The following NAALADL2 variants were observed in gnomAD, a reference collection of about 807,000 sequenced individuals.
NAALADL2 encodes the protein N-acetylated alpha-linked acidic dipeptidase like 2.
In NAALADL2, 76 loss-of-function variants were observed where a neutral mutation model predicts 87.2. The ratio of observed to expected loss-of-function variants is 0.87; its 90% CI spans 0.72 to 1.05. NAALADL2 has a LOEUF of 1.05. Among genes scored for constraint, NAALADL2 ranks in the 50% least tolerant of loss-of-function variants. NAALADL2 has a pLI of 0.00. For synonymous variants in NAALADL2, 354 were observed against 331.0 expected (o/e 1.07, Z -0.75); for missense variants, 1,089 against 945.8 (o/e 1.15, Z -1.99).
At chr3:175,575,006 T>A (rs1718654909) in intron 9 of NAALADL2, among the ~76,000 whole-genome samples, 1 of 152,186 alleles carries the variant, frequency 6.6e-6, no homozygotes, top group South Asian at 2.1e-4. Flanking sequence ...TTTTGAGAAA[T>A]TTATTAAAGA....
chr3:175,114,471 A>G (rs1724757444), intron 2 of NAALADL2, among the ~76,000 whole-genome samples: 1 of 151,670 alleles, frequency 6.6e-6, no homozygotes, highest in South Asian at 2.1e-4. Flanking sequence ...TAACCCTATT[A>G]TATCTTTTAT....
At chr3:174,921,786 C>T (rs1408037048) in intron 1 of NAALADL2, among the ~76,000 whole-genome samples, 2 of 108,476 alleles carry the variant, frequency 1.8e-5, no homozygotes, top group Non-Finnish European at 3.4e-5. Flanking sequence ...GCCTGGGCAA[C>T]AGAGCAAGAC....
chr3:174,546,041 T>A (rs1485329405), intron 1 of NAALADL2, among the ~76,000 whole-genome samples: 1 of 151,934 alleles, frequency 6.6e-6, no homozygotes, highest in Non-Finnish European at 1.5e-5. Flanking sequence ...TCTCATGTAT[T>A]TAATAATTGT....
At chr3:174,876,121 A>G (rs1039858147) in intron 1 of NAALADL2, among the ~76,000 whole-genome samples, 1 of 152,186 alleles carries the variant, frequency 6.6e-6, no homozygotes, top group Admixed American at 6.6e-5. Context: ...TGTTAACAGC[A>G]CAAATAATCT....
At chr3:175,468,241 C>T (rs1490738714) in intron 8 of NAALADL2, among the ~76,000 whole-genome samples, 1 of 152,006 alleles carries the variant, frequency 6.6e-6, no homozygotes, top group Non-Finnish European at 1.5e-5. Flanking sequence ...TCAAGATTCA[C>T]ACACTGCAAA....
chr3:174,727,708 C>G (rs908539248), intron 2 of NAALADL2, among the ~76,000 whole-genome samples: 1 of 152,050 alleles, frequency 6.6e-6, no homozygotes, highest in South Asian at 2.1e-4. Flanking sequence ...AGTTGATGAA[C>G]CAATGTTGAC....
At chr3:174,770,848 A>C (rs1221113187) in intron 3 of NAALADL2, among the ~76,000 whole-genome samples, 3 of 33,832 alleles carry the variant, frequency 8.9e-5, no homozygotes, top group Non-Finnish European at 2.6e-4. Context: ...TCGGTCTAAC[A>C]AAAAAAAAAA....
At chr3:175,395,660 C>A (rs1488215760) in intron 5 of NAALADL2, among the ~76,000 whole-genome samples, 1 of 152,176 alleles carries the variant, frequency 6.6e-6, no homozygotes, top group African/African-American at 2.4e-5. Flanking sequence ...CAAGGCGGAA[C>A]TTCATTTGCC....
At chr3:175,033,137 A>AG (rs923730827) in intron 1 of NAALADL2, among the ~76,000 whole-genome samples, 2 of 151,814 alleles carry the variant, frequency 1.3e-5, no homozygotes, top group Non-Finnish European at 2.9e-5. Context: ...GGTGGTGGGG[A>AG]GGGGTCCGTG....
chr3:174,503,885 A>T (rs1719049891), intron 1 of NAALADL2, among the ~76,000 whole-genome samples: 1 of 152,162 alleles, frequency 6.6e-6, no homozygotes, highest in African/African-American at 2.4e-5. Flanking sequence ...TTCTAATAAA[A>T]TTCACAGATT....
intron 2 of NAALADL2, among the ~76,000 whole-genome samples, chr3:175,164,344 T>C (rs1195581953): frequency 6.6e-6 from 1 of 151,938 alleles, no homozygotes; most frequent in Admixed American, 6.6e-5. Context: ...TTTTGCAGTC[T>C]AGGGTGAGCA....
chr3:175,261,346 A>C (rs1751004917), intron 4 of NAALADL2, among the ~76,000 whole-genome samples: 1 of 152,136 alleles, frequency 6.6e-6, no homozygotes, highest in African/African-American at 2.4e-5. Context: ...TTTCTACCAG[A>C]AGCAATAATA....
chr3:175,062,774 C>G (rs1263025455), intron 1 of NAALADL2, among the ~76,000 whole-genome samples: 1 of 152,084 alleles, frequency 6.6e-6, no homozygotes, highest in African/African-American at 2.4e-5. Flanking sequence ...TGTGTAAACC[C>G]AAAGACATGC....
intron 2 of NAALADL2, among the ~76,000 whole-genome samples, chr3:174,659,644 C>T (rs760483314): frequency 2.0e-5 from 3 of 152,188 alleles, no homozygotes; most frequent in Non-Finnish European, 2.9e-5. Context: ...TCTAATCTCT[C>T]CTGGATTCAG....
At chr3:175,358,122 G>A (rs1764589313) in intron 5 of NAALADL2, among the ~76,000 whole-genome samples, 1 of 152,112 alleles carries the variant, frequency 6.6e-6, no homozygotes, top group Non-Finnish European at 1.5e-5. Context: ...TTTTCATAAA[G>A]TTCATAGAGC....
intron 4 of NAALADL2, among the ~76,000 whole-genome samples, chr3:175,310,066 C>A (rs572173895): frequency 1.3e-5 from 2 of 152,270 alleles, no homozygotes; most frequent in South Asian, 4.1e-4. Context: ...ACGGAACTTG[C>A]AAGCAGTGTA....
At chr3:175,629,616 G>T (rs2149722651) in intron 11 of NAALADL2, among the ~76,000 whole-genome samples, 1 of 151,698 alleles carries the variant, frequency 6.6e-6, no homozygotes, top group Non-Finnish European at 1.5e-5. Context: ...TGAAATGATG[G>T]TGTCTAGCAT....
At chr3:174,712,007 T>A (rs2108917823) in intron 2 of NAALADL2, among the ~76,000 whole-genome samples, 1 of 152,048 alleles carries the variant, frequency 6.6e-6, no homozygotes, top group South Asian at 2.1e-4. Context: ...CAGGCTTGTC[T>A]CGAACTCCTG....
intron 1 of NAALADL2, among the ~76,000 whole-genome samples, chr3:175,010,323 C>A (rs556525056): frequency 2.0e-5 from 3 of 152,178 alleles, no homozygotes; most frequent in Admixed American, 1.3e-4. Context: ...CCAATTATGG[C>A]ACATCTTTCA....
Sources: gnomAD v4.1 joint callset for allele counts (sites outside exome capture counted in the v4.1 genomes callset) on GRCh38, gnomAD v4.1.1 for gene constraint, MANE v1.5 for transcripts, NCBI Gene and HGNC (gene_info 2026-07-23, HGNC 2026-07-21) for gene names.